MAEA: variants seen among roughly 807,000 people sequenced by gnomAD.
MAEA encodes macrophage erythroblast attacher, E3 ubiquitin ligase.
A neutral mutation model predicts 46.2 loss-of-function variants in MAEA; 22 were observed. That is an observed-to-expected ratio of 0.48 (90% CI 0.34 to 0.68). The LOEUF (loss-of-function observed/expected upper bound fraction) is 0.68. MAEA is among the 30% of genes least tolerant of loss of function. MAEA has a pLI of 0.01. For missense variants in MAEA, 393 were observed against 558.1 expected, an observed-to-expected ratio of 0.70 and a Z score of 2.98; for synonymous variants, 246 against 222.6, an observed-to-expected ratio of 1.11 and a Z score of -0.94.
chr4:1,295,949 T>C (rs1577124210), intron 1 of MAEA, among the ~76,000 whole-genome samples: 3 of 85,080 alleles, frequency 3.5e-5, no homozygotes, highest in Admixed American at 1.2e-4. Flanking sequence ...TGTGCCACCC[T>C]CGCCCGCACC....
chr4:1,309,080 G>A (rs1005734280), intron 1 of MAEA, among the ~76,000 whole-genome samples: 19 of 152,128 alleles, frequency 1.2e-4, no homozygotes, highest in Admixed American at 1.2e-3. Flanking sequence ...GAATCTGCTG[G>A]CCCCTCTCTG....
rs758614928 is a variant in MAEA at position 1,315,524 on chromosome 4, G to A, written c.380G>A (p.Arg127His). The A allele has an allele frequency of 2.5e-6, 4 of 1,613,870 alleles. No individual in the cohort carries two copies. The highest frequency in any genetic ancestry group is 1.7e-5 in the Admixed American group (1 of 60,014). ...GTGTGGAAGAGGAAGCGCATGGATC[G>A]CATGATGGTGGAGCACCTGCTGCGT... ...ASVWKRKRMD[R>H]MMVEHLLRCG... The change falls in exon 3 of 9, where the codon CGC becomes CAC. Residue 127 changes from arginine (R) to histidine (H), a missense_variant. By Grantham distance (29) the Arg-to-His change is conservative. Transcript: ENST00000303400.
At position 1,337,209 on chromosome 4, in the gene MAEA, C is replaced by T. The variant is rs182535812; in HGVS notation, c.899+215C>T. On this transcript the variant is annotated intron_variant, in intron 7 of 8. Transcript: ENST00000303400. ...GTGCAGCCTTCACTCTGGGAAGTGG[C>T]GCGCTTCCTCTCTCATCATCTCAGA... 9.2e-4 allele frequency: 533 copies of T among 577,510 alleles called. 3 individuals carry two copies. The African/African-American group carries it at 9.2e-3, about 10-fold the overall frequency. The allele number at this position is 577,510 out of a possible 1,614,324, so 35.8% of individuals were successfully genotyped here.
intron 1 of MAEA, among the ~76,000 whole-genome samples, chr4:1,301,358 A>G (rs1671499026): frequency 6.6e-6 from 1 of 152,250 alleles, no homozygotes; most frequent in South Asian, 2.1e-4. Context: ...AGGGAGGATT[A>G]CTGCTGTGAG....
intron 5 of MAEA, chr4:1,330,656 T>C (rs1711651980): frequency 6.6e-6 from 1 of 152,222 alleles, no homozygotes. Flanking sequence ...GTTTTTGTGT[T>C]TCTTATGTTA....
At chr4:1,321,629 G>C (rs1199902935) in intron 3 of MAEA, among the ~76,000 whole-genome samples, 1 of 152,220 alleles carries the variant, frequency 6.6e-6, no homozygotes, top group East Asian at 1.9e-4. Context: ...GTTGGGTCCT[G>C]GGCTATGTGC....
intron 3 of MAEA, among the ~76,000 whole-genome samples, chr4:1,318,691 G>A (rs983976092): frequency 3.3e-5 from 5 of 152,176 alleles, no homozygotes; most frequent in Admixed American, 1.3e-4. Context: ...CTGTGGCCGA[G>A]GGGGAGCTGC....
At chr4:1,293,753 C>T (rs1734347188) in intron 1 of MAEA, among the ~76,000 whole-genome samples, 1 of 152,268 alleles carries the variant, frequency 6.6e-6, no homozygotes, top group Admixed American at 6.5e-5. Context: ...TGGTTGCATT[C>T]TCAGGTGTCT....
At position 1,315,573 on chromosome 4, in the gene MAEA, C is replaced by G; in HGVS notation, c.429C>G (p.Val143=). Residue 143 remains valine, a synonymous_variant, in exon 3 of 9, where the codon GTC becomes GTG. Coordinates refer to ENST00000303400, the MANE Select transcript of MAEA (RefSeq NM_001017405.3). ...GTTGCGGCTACTACAACACGGCTGTCAAGCTGGCGCGCCAGAGCGGCATCG... is the reference window on the plus strand; with the variant it reads ...GTTGCGGCTACTACAACACGGCTGTGAAGCTGGCGCGCCAGAGCGGCATCG... ...LLRCGYYNTA[V]KLARQSGIED... The G allele has an allele frequency of 6.2e-7, 1 of 1,613,308 alleles. No homozygotes were observed. The highest frequency in any genetic ancestry group is 8.5e-7 in the Non-Finnish European group (1 of 1,179,858).
At chr4:1,326,299 C>A (rs1452094428) in intron 4 of MAEA, among the ~76,000 whole-genome samples, 2 of 152,358 alleles carry the variant, frequency 1.3e-5, no homozygotes, top group African/African-American at 4.8e-5. Context: ...GCCATGTGAA[C>A]CCAGAGTGAC....
intron 5 of MAEA, among the ~76,000 whole-genome samples, chr4:1,328,017 G>A (rs1043456121): frequency 3.9e-5 from 6 of 152,202 alleles, no homozygotes; most frequent in Admixed American, 1.3e-4. Flanking sequence ...TCAGGCTCCC[G>A]GCACCCCCTT....
chr4:1,320,581 CAGAAA>C (rs895249852), intron 3 of MAEA, among the ~76,000 whole-genome samples: 4 of 146,600 alleles, frequency 2.7e-5, no homozygotes, highest in Non-Finnish European at 5.9e-5. Flanking sequence ...GAAGGGGCTT[CAGAAA>C]AGAAATCAAA....
At chr4:1,320,821 C>T (rs1737989071) in intron 3 of MAEA, among the ~76,000 whole-genome samples, 1 of 149,246 alleles carries the variant, frequency 6.7e-6, no homozygotes, top group Non-Finnish European at 1.5e-5. Flanking sequence ...ATGCAAGAGG[C>T]CGGGCACGGT....
At chr4:1,327,156 C>T (rs1288160709) in intron 4 of MAEA, among the ~76,000 whole-genome samples, 1 of 152,252 alleles carries the variant, frequency 6.6e-6, no homozygotes, top group Non-Finnish European at 1.5e-5. Flanking sequence ...AGAACAGCCC[C>T]GGGTTCAAGC....
At chr4:1,319,776 AG>A (rs1737787982) in intron 3 of MAEA, among the ~76,000 whole-genome samples, 1 of 117,496 alleles carries the variant, frequency 8.5e-6, no homozygotes, top group South Asian at 2.6e-4. Flanking sequence ...TGCAAAACAA[AG>A]TAAGACTTTG....
intron 1 of MAEA, chr4:1,300,046 T>A (rs539327367): frequency 6.6e-6 from 1 of 152,140 alleles, no homozygotes. Flanking sequence ...AATGTAACCA[T>A]TGAGAAAGTC....
chr4:1,303,057 C>T (rs866129973), intron 1 of MAEA, among the ~76,000 whole-genome samples: 5 of 151,756 alleles, frequency 3.3e-5, no homozygotes, highest in Admixed American at 6.6e-5. Flanking sequence ...CAGCTCCCCT[C>T]CTCAGCTTAT....
intron 3 of MAEA, among the ~76,000 whole-genome samples, chr4:1,316,557 T>C (rs1429542725): frequency 6.6e-6 from 1 of 152,040 alleles, no homozygotes; most frequent in Admixed American, 6.5e-5. Context: ...TGCCCAGCCA[T>C]GCGCCTGGCC....
At chr4:1,305,335 T>G (rs1386543735) in intron 1 of MAEA, among the ~76,000 whole-genome samples, 2 of 152,194 alleles carry the variant, frequency 1.3e-5, no homozygotes, top group East Asian at 1.9e-4. Context: ...GAGTGGAGCC[T>G]GCTTGTGCTG....
Sources: allele counts gnomAD v4.1 joint callset (sites outside exome capture counted in the v4.1 genomes callset), GRCh38; gene constraint gnomAD v4.1.1; transcripts MANE v1.5; gene names NCBI Gene and HGNC (gene_info 2026-07-23, HGNC 2026-07-21).